The following PCM1 variants were observed in gnomAD, a reference collection of about 807,000 sequenced individuals.
The protein encoded by PCM1 is pericentriolar material 1 protein.
A neutral mutation model predicts 241.9 loss-of-function variants in PCM1; 157 were observed. The observed-to-expected ratio is 0.65, with a 90% CI of 0.57 to 0.74. PCM1 has a LOEUF of 0.74. Ranked by LOEUF, PCM1 falls within the 30% of genes least tolerant of loss-of-function variation. The pLI, the probability that PCM1 is intolerant of heterozygous loss-of-function variation, is 0.00. For synonymous variants in PCM1, 1,085 were observed against 784.9 expected (o/e 1.38, Z -6.39); for missense variants, 3,478 against 2,360.1 (o/e 1.47, Z -9.81).
intron 36 of PCM1, among the ~76,000 whole-genome samples, chr8:18,023,513 C>A (rs776435732): frequency 6.6e-6 from 1 of 152,156 alleles, no homozygotes; most frequent in African/African-American, 2.4e-5. Context: ...ACTGGAACTC[C>A]AGTAGAAGTT....
intron 28 of PCM1, 116 bp downstream of exon 28, chr8:17,991,816 C>A: frequency 1.5e-6 from 1 of 670,118 alleles, no homozygotes. Flanking sequence ...GAGCAGTATA[C>A]ACTGTACCCA....
chr8:17,952,756 C>A (rs967651179), intron 8 of PCM1, among the ~76,000 whole-genome samples: 1 of 152,028 alleles, frequency 6.6e-6, no homozygotes, highest in Middle Eastern at 3.2e-3. Context: ...GAACCAATCC[C>A]TCATGGATAC....
chr8:17,958,499 C>T, intron 13 of PCM1, among the ~76,000 whole-genome samples: 1 of 151,918 alleles, frequency 6.6e-6, no homozygotes, highest in East Asian at 1.9e-4. Context: ...TATGCCTACA[C>T]TTATAATTGT....
At chr8:17,934,991 A>C (rs950105757) in intron 2 of PCM1, 1 of 152,214 alleles carries the variant, frequency 6.6e-6, no homozygotes, top group Non-Finnish European at 1.5e-5. Flanking sequence ...TAGGGTAGTA[A>C]GCATCACTAT....
In PCM1 at chr8:17,967,145, T is replaced by C; in HGVS notation, c.3387T>C (p.Phe1129=). 1 of 1,597,814 alleles carries C rather than the reference T, an allele frequency of 6.3e-7. No homozygotes were observed. The highest frequency in any genetic ancestry group is 8.5e-7 in the Non-Finnish European group (1 of 1,171,138). ...TAAATCTCTTCAATATACCTGGATT[T>C]ACTAACTTTTCATCATTTGCACCAG... is the stretch of plus-strand genomic sequence containing the variant. ...QPVNLFNIPG[F]TNFSSFAPGM... Residue 1129 remains phenylalanine (F), a synonymous_variant, in exon 21 of 39, where the codon TTT becomes TTC. Coordinates refer to ENST00000325083, the MANE Select transcript of PCM1 (RefSeq NM_006197.4).
chr8:17,997,616 A>G (rs926620436), intron 29 of PCM1, among the ~76,000 whole-genome samples: 1 of 151,948 alleles, frequency 6.6e-6, no homozygotes, highest in East Asian at 1.9e-4. Flanking sequence ...GATCAATTCT[A>G]TTGAGAGATT....
intron 24 of PCM1, among the ~76,000 whole-genome samples, chr8:17,981,715 G>T (rs208031): frequency 0.074 from 11,279 of 152,186 alleles, 603 homozygotes; most frequent in African/African-American, 0.15. Flanking sequence ...GCCTCATAAT[G>T]CTGAGTTGGT....
chr8:17,989,372 G>A (rs575642073), intron 26 of PCM1, among the ~76,000 whole-genome samples: 9 of 152,050 alleles, frequency 5.9e-5, no homozygotes, highest in African/African-American at 1.9e-4. Context: ...GTATACATTT[G>A]TCAAAACTCA....
chr8:17,960,235 C>G (rs1167946258), intron 14 of PCM1, 70 bp downstream of exon 14: 4 of 1,553,134 alleles, frequency 2.6e-6, no homozygotes, highest in East Asian at 2.2e-5. Flanking sequence ...AGGTGCTCAG[C>G]TAGGTACTGT....
rs563410996 is a variant in PCM1 at position 17,960,162 on chromosome 8, C to T, written c.2189C>T (p.Ala730Val). Residue 730 changes from alanine to valine, a missense_variant, in exon 14 of 39, where the codon GCA (alanine) becomes GTA (valine). By Grantham distance (64) the Ala-to-Val change is moderately conservative (BLOSUM62 0). Transcript: ENST00000325083. Reference protein sequence around the residue: ...TQKDTGVNEKAREKFYEAKLQ... With the variant: ...TQKDTGVNEKVREKFYEAKLQ... ...AAAGATACTGGAGTAAATGAAAAGG[C>T]AAGGTATGTTAAGCTTTTGGCCTTC... 1 of 1,566,794 alleles carries T rather than the reference C, an allele frequency of 6.4e-7. No individual in the cohort carries two copies.
intron 36 of PCM1, among the ~76,000 whole-genome samples, chr8:18,021,226 G>A (rs1004099145): frequency 2.6e-5 from 4 of 152,074 alleles, no homozygotes; most frequent in African/African-American, 7.2e-5. Context: ...CCTTCAAACT[G>A]TCATTATTAT....
intron 18 of PCM1, among the ~76,000 whole-genome samples, chr8:17,965,758 A>C (rs933080834): frequency 4.6e-5 from 7 of 152,218 alleles, no homozygotes; most frequent in Non-Finnish European, 1.0e-4. Context: ...CAGAATACTT[A>C]ATTATATGGA....
At chr8:17,997,915 A>G (rs1435193196) in intron 29 of PCM1, among the ~76,000 whole-genome samples, 1 of 151,730 alleles carries the variant, frequency 6.6e-6, no homozygotes, top group Non-Finnish European at 1.5e-5. Flanking sequence ...GCGCACCTAT[A>G]ATGACAGCTA....
Position 17,969,592 on chromosome 8 carries a change from C to G in PCM1, c.3428C>G (p.Pro1143Arg), listed in dbSNP as rs1169171442. 1.2e-6 allele frequency: 2 copies of G among 1,607,570 alleles called. No homozygotes were observed. Among genetic ancestry groups the G allele is most frequent in the East Asian group, 2.2e-5 (1 of 44,602 alleles). The change falls in exon 22 of 39, where the codon CCT becomes CGT. Residue 1143 changes from proline (P) to arginine (R), a missense_variant. Pro to Arg is a moderately radical substitution (Grantham distance 103). Transcript: ENST00000325083. ...SSFAPGMNFSPLFPSNFGDFS... is the reference protein window; with the variant it reads ...SSFAPGMNFSRLFPSNFGDFS... ...TACTGATTAGGTATGAATTTCAGCC[C>G]TTTATTTCCTTCTAATTTTGGAGAT...
At chr8:17,985,841 G>C (rs937719657) in intron 25 of PCM1, 118 bp from the exon 26 acceptor site, 2 of 774,524 alleles carry the variant, frequency 2.6e-6, no homozygotes, top group African/African-American at 3.6e-5. Context: ...CACTTAACCT[G>C]TGAGGGTAGA....
At chr8:18,018,457 C>A (rs2129487224) in intron 36 of PCM1, among the ~76,000 whole-genome samples, 1 of 152,322 alleles carries the variant, frequency 6.6e-6, no homozygotes, top group East Asian at 1.9e-4. Flanking sequence ...CAGAGGCAAT[C>A]CAAGGGCTTT....
intron 2 of PCM1, chr8:17,934,727 C>T (rs1451611234): frequency 6.6e-6 from 1 of 152,166 alleles, no homozygotes; most frequent in African/African-American, 2.4e-5. Context: ...TCAACCTGTA[C>T]AATTCCACAG....
chr8:17,980,745 A>G lies in PCM1; in HGVS notation c.4098A>G (p.Glu1366=). The change falls in exon 24 of 39, where the codon GAA becomes GAG. Residue 1366 remains glutamate, a synonymous_variant. Transcript: ENST00000325083. The part of the protein sequence containing the change: ...EKIIKCNRST[E]ISSETGSDFS... ...TAATAAAATGTAATAGGTCTACAGA[A>G]ATATCTTCAGGTATGTTCTTTTTTG... The G allele has an allele frequency of 6.2e-7, 1 of 1,606,798 alleles. No individual in the cohort carries two copies. The highest frequency in any genetic ancestry group is 8.5e-7 in the Non-Finnish European group (1 of 1,177,446).
At position 17,969,658 on chromosome 8, in the gene PCM1, C is replaced by A; in HGVS notation, c.3494C>A (p.Pro1165His). Residue 1165 changes from proline to histidine, a missense_variant, in exon 22 of 39, where the codon CCC (proline) becomes CAC (histidine). Transcript: ENST00000325083. Reference protein sequence around the residue: ...NISTPSEQQQPLAQNSSGKTE... With the variant: ...NISTPSEQQQHLAQNSSGKTE... ...TCTACACCCAGTGAACAGCAGCAAC[C>A]CTTAGCCCAGAATTCTTCAGGAAAA... 1 of 1,612,806 alleles carries A rather than the reference C, an allele frequency of 6.2e-7. No homozygotes were observed. The highest frequency in any genetic ancestry group is 8.5e-7 in the Non-Finnish European group (1 of 1,178,976).
Sources: allele counts gnomAD v4.1 joint callset (sites outside exome capture counted in the v4.1 genomes callset), GRCh38; gene constraint gnomAD v4.1.1; transcripts MANE v1.5; gene names NCBI Gene and HGNC (gene_info 2026-07-23, HGNC 2026-07-21).